Variants in CYB5RL observed in about 807,000 individuals in gnomAD.
CYB5RL encodes the protein cytochrome b5 reductase like.
CYB5RL carries 38 observed loss-of-function variants against 37.5 expected under a neutral mutation model. That is an observed-to-expected ratio of 1.01 (90% CI 0.78 to 1.33). The LOEUF (loss-of-function observed/expected upper bound fraction) is 1.33. Among genes scored for constraint, CYB5RL ranks in the 40% most tolerant of loss-of-function variants. The probability of loss-of-function intolerance (pLI) is 0.00; values close to 1 mark genes in which losing one functional copy is unlikely to be tolerated. For missense variants in CYB5RL, 388 were observed against 394.4 expected, an observed-to-expected ratio of 0.98 and a Z score of 0.14; for synonymous variants, 141 against 151.9, an observed-to-expected ratio of 0.93 and a Z score of 0.53.
At chr1:54,188,005 G>T in intron 4 of CYB5RL, 1 of 444,756 alleles carries the variant, frequency 2.2e-6, no homozygotes, top group South Asian at 2.9e-5. Flanking sequence ...GAACCCGGGA[G>T]GTGGAGGTTT....
At chr1:54,180,021 G>A (rs796621557) in intron 6 of CYB5RL, 71 of 452,744 alleles carry the variant, frequency 1.6e-4, no homozygotes, top group Admixed American at 1.1e-3. Flanking sequence ...CAAGGTGGGC[G>A]GATCACTTAA....
chr1:54,184,308 C>A, intron 5 of CYB5RL, 43 bp from the exon 6 acceptor site: 1 of 1,540,276 alleles, frequency 6.5e-7, no homozygotes, highest in Non-Finnish European at 8.9e-7. Flanking sequence ...CAGGTACATG[C>A]TGCCAACACA....
rs1041337790 is a variant in CYB5RL, at chr1:54,171,263, A to G, written c.*3356T>C. On this transcript the variant is annotated 3_prime_UTR_variant, in exon 8 of 8. Transcript: ENST00000534324. ...AAGGGATGAGCTGACGCAAGAGAACATGTTTGGAGCCTGAGAGGTGGGTGT... is the reference window on the plus strand; with the variant it reads ...AAGGGATGAGCTGACGCAAGAGAACGTGTTTGGAGCCTGAGAGGTGGGTGT... 2.0e-5 allele frequency: 9 copies of G among 456,152 alleles called. No homozygotes were observed. The highest frequency in any genetic ancestry group is 1.4e-4 in the East Asian group (2 of 14,398). 28.3% of individuals were successfully genotyped at this position (456,152 alleles called of 1,614,324 possible).
At chr1:54,182,595 G>A (rs1039521596) in intron 6 of CYB5RL, among the ~76,000 whole-genome samples, 1 of 152,034 alleles carries the variant, frequency 6.6e-6, no homozygotes, top group African/African-American at 2.4e-5. Flanking sequence ...TGCCACCCAG[G>A]CCAGAGTGCA....
In CYB5RL at chr1:54,170,565, C is replaced by G. The variant is rs180981391; in HGVS notation, c.*4054G>C. On this transcript the variant is annotated 3_prime_UTR_variant, in exon 8 of 8. Transcript: ENST00000534324. ...GAGTAGCTGGGACTATAGGCGCATG[C>G]CACGCCTGGCTAATTTTTTGTATTT... 1 of 157,482 alleles carries G rather than the reference C, an allele frequency of 6.3e-6. No homozygotes were observed. The highest frequency in any genetic ancestry group is 2.4e-5 in the African/African-American group (1 of 41,488). 9.8% of individuals were successfully genotyped at this position (157,482 alleles called of 1,614,324 possible). A position where few individuals can be genotyped will look rare whatever the true frequency, so the allele number is the denominator to read the frequency against.
At chr1:54,186,630 AC>A (rs1199267376) in intron 5 of CYB5RL, among the ~76,000 whole-genome samples, 9 of 152,048 alleles carry the variant, frequency 5.9e-5, no homozygotes. Flanking sequence ...ACAGAAACAC[AC>A]CCCGACAAGC....
chr1:54,177,516 C>T (rs529590706), intron 7 of CYB5RL, among the ~76,000 whole-genome samples: 1 of 152,320 alleles, frequency 6.6e-6, no homozygotes, highest in African/African-American at 2.4e-5. Context: ...CCTCACAGCA[C>T]CTTGTGCTGT....
At chr1:54,183,655 GGA>G (rs1283352473) in intron 6 of CYB5RL, among the ~76,000 whole-genome samples, 1 of 152,146 alleles carries the variant, frequency 6.6e-6, no homozygotes, top group Non-Finnish European at 1.5e-5. Flanking sequence ...GGGTAGCTTT[GGA>G]GCTGGGCAGG....
At chr1:54,193,862 C>A (rs987352675) in intron 3 of CYB5RL, among the ~76,000 whole-genome samples, 1 of 151,524 alleles carries the variant, frequency 6.6e-6, no homozygotes, top group Non-Finnish European at 1.5e-5. Flanking sequence ...CCCAGGTACT[C>A]AGGAGGCTGA....
At chr1:54,180,892 C>T (rs1010869087) in intron 6 of CYB5RL, among the ~76,000 whole-genome samples, 3 of 151,968 alleles carry the variant, frequency 2.0e-5, no homozygotes, top group Non-Finnish European at 4.4e-5. Context: ...GTGGCTCATG[C>T]GTGTAATCTC....
Position 54,173,026 on chromosome 1 carries a change from A to G in CYB5RL, c.*1593T>C, listed in dbSNP as rs1317536598. ...AAAACTCTGGATTAAACAAAATGAAAGGAGTTTCTTTGCCACTGGTCTTTT... is the reference window on the plus strand; with the variant it reads ...AAAACTCTGGATTAAACAAAATGAAGGGAGTTTCTTTGCCACTGGTCTTTT... On this transcript the variant is annotated 3_prime_UTR_variant, in exon 8 of 8. Transcript: ENST00000534324. 6.6e-6 allele frequency: 1 copy of G among 152,206 alleles called. No homozygotes were observed. Among genetic ancestry groups the G allele is most frequent in the Non-Finnish European group, 1.5e-5 (1 of 68,040 alleles). The allele number at this position is 152,206 out of a possible 1,614,324, so 9.4% of individuals were successfully genotyped here. A position where few individuals can be genotyped will look rare whatever the true frequency, so the allele number is the denominator to read the frequency against.
intron 6 of CYB5RL, chr1:54,179,877 G>A (rs1660113580): frequency 2.2e-6 from 1 of 447,970 alleles, no homozygotes; most frequent in African/African-American, 2.0e-5. Context: ...CTCTGAGCTT[G>A]CTCATCTCTA....
intron 7 of CYB5RL, chr1:54,175,409 C>A: frequency 3.6e-6 from 1 of 275,102 alleles, no homozygotes; most frequent in South Asian, 3.9e-5. Context: ...AGGCTAAGCT[C>A]GCATTCCAAG....
At chr1:54,178,104 C>T (rs967626376) in intron 7 of CYB5RL, among the ~76,000 whole-genome samples, 1 of 152,208 alleles carries the variant, frequency 6.6e-6, no homozygotes, top group Non-Finnish European at 1.5e-5. Flanking sequence ...ATGTTCACCA[C>T]GCTCTCATGT....
intron 6 of CYB5RL, among the ~76,000 whole-genome samples, chr1:54,179,619 C>G (rs772490967): frequency 5.6e-4 from 85 of 152,190 alleles, no homozygotes; most frequent in Non-Finnish European, 9.3e-4. Flanking sequence ...GCCTGGTTGC[C>G]TACTAAAGCA....
chr1:54,190,814 C>T lies in CYB5RL; in HGVS notation c.281G>A (p.Arg94His), dbSNP rs1320223506. ...GTTCCCGGGTAGAGCAAACCGGACA[C>T]GGTAGGTGTCCTTAGTGAGCCTGTC... ...AMDRLTKDTY[R>H]VRFALPGNSQ... Residue 94 changes from arginine to histidine, a missense_variant, in exon 4 of 8, where the codon CGT becomes CAT. Coordinates refer to ENST00000534324, the MANE Select transcript of CYB5RL (RefSeq NM_001031672.4). 1.3e-5 allele frequency: 20 copies of T among 1,590,242 alleles called. No homozygotes were observed. Among genetic ancestry groups the T allele is most frequent in the South Asian group, 3.4e-5 (3 of 87,174 alleles).
intron 1 of CYB5RL, among the ~76,000 whole-genome samples, chr1:54,198,101 G>A (rs935346069): frequency 4.0e-5 from 6 of 148,994 alleles, no homozygotes; most frequent in Admixed American, 2.0e-4. Context: ...AAGCACAGCC[G>A]GGCATATGGA....
intron 1 of CYB5RL, among the ~76,000 whole-genome samples, chr1:54,199,031 G>A (rs183151042): frequency 6.6e-6 from 1 of 152,116 alleles, no homozygotes; most frequent in African/African-American, 2.4e-5. Flanking sequence ...GTTGGTTCAT[G>A]CGTCCTCTGA....
chr1:54,199,359 G>T (rs1196511145), intron 1 of CYB5RL, among the ~76,000 whole-genome samples: 1 of 152,220 alleles, frequency 6.6e-6, no homozygotes, highest in Non-Finnish European at 1.5e-5. Flanking sequence ...GCAAGATCAG[G>T]ATGGAAAACA....
Sources: allele counts gnomAD v4.1 joint callset (sites outside exome capture counted in the v4.1 genomes callset), GRCh38; gene constraint gnomAD v4.1.1; transcripts MANE v1.5; gene names NCBI Gene and HGNC (gene_info 2026-07-23, HGNC 2026-07-21).